Variants in CPEB3 observed in about 807,000 individuals in gnomAD.
The protein encoded by CPEB3 is cytoplasmic polyadenylation element binding protein 3.
CPEB3 carries 20 observed loss-of-function variants against 67.2 expected under a neutral mutation model. The ratio of observed to expected loss-of-function variants is 0.30; its 90% CI spans 0.21 to 0.43. CPEB3 has a LOEUF of 0.43. Ranked by LOEUF, CPEB3 falls within the 20% of genes least tolerant of loss-of-function variation. The probability of loss-of-function intolerance (pLI) is 1.00; values close to 1 mark genes in which losing one functional copy is unlikely to be tolerated. For missense variants in CPEB3, 746 were observed against 968.6 expected (o/e 0.77, Z 3.05); for synonymous variants, 376 against 393.1 (o/e 0.96, Z 0.51).
chr10:92,074,724 C>T (rs896359939), intron 9 of CPEB3, among the ~76,000 whole-genome samples: 2 of 152,076 alleles, frequency 1.3e-5, no homozygotes, highest in Non-Finnish European at 1.5e-5. Flanking sequence ...GGACTTTGAC[C>T]TTTATCCCAA....
chr10:92,280,016 A>C (rs1210972833), intron 1 of CPEB3, among the ~76,000 whole-genome samples: 1 of 151,978 alleles, frequency 6.6e-6, no homozygotes, highest in East Asian at 1.9e-4. Context: ...GTCTCAAAAA[A>C]GAAAGAAAGA....
intron 9 of CPEB3, among the ~76,000 whole-genome samples, chr10:92,060,333 G>C (rs1417440149): frequency 6.6e-6 from 1 of 152,102 alleles, no homozygotes; most frequent in African/African-American, 2.4e-5. Flanking sequence ...CTGGGTGACA[G>C]AGGAAGACCT....
intron 2 of CPEB3, among the ~76,000 whole-genome samples, chr10:92,195,817 A>C (rs1849214403): frequency 6.6e-6 from 1 of 152,242 alleles, no homozygotes. Context: ...GGTTCAGAGA[A>C]GATTCAAGAG....
At chr10:92,168,791 C>CTTTTT (rs748498383) in intron 4 of CPEB3, among the ~76,000 whole-genome samples, 3 of 118,388 alleles carry the variant, frequency 2.5e-5, no homozygotes, top group Non-Finnish European at 3.4e-5. Context: ...ACCTCTTGCC[C>CTTTTT]TTTTTTTTTT....
In CPEB3 at chr10:92,049,736, T is replaced by C. The variant is rs911424062; in HGVS notation, c.*2476A>G. On this transcript the variant is annotated 3_prime_UTR_variant, in exon 10 of 10. Coordinates refer to ENST00000265997, the MANE Select transcript of CPEB3 (RefSeq NM_014912.5). ...TTATGCTGTACAATCTTCCAGCTTTTAAAAAAATCTCAGTGTTATTTTAAT... is the reference window on the plus strand; with the variant it reads ...TTATGCTGTACAATCTTCCAGCTTTCAAAAAAATCTCAGTGTTATTTTAAT... 1 of 152,602 alleles carries C rather than the reference T, an allele frequency of 6.6e-6. No homozygotes were observed. Among genetic ancestry groups the C allele is most frequent in the Admixed American group, 6.5e-5 (1 of 15,280 alleles). The allele number at this position is 152,602 out of a possible 1,614,324, so 9.5% of individuals were successfully genotyped here. A position where few individuals can be genotyped will look rare whatever the true frequency, so the allele number is the denominator to read the frequency against.
At chr10:92,216,976 C>T (rs1850438971) in intron 2 of CPEB3, among the ~76,000 whole-genome samples, 1 of 150,626 alleles carries the variant, frequency 6.6e-6, no homozygotes, top group Non-Finnish European at 1.5e-5. Context: ...TCCATCAGTG[C>T]CATTTCCTGT....
intron 2 of CPEB3, among the ~76,000 whole-genome samples, chr10:92,215,903 C>T (rs2134388902): frequency 6.7e-6 from 1 of 150,268 alleles, no homozygotes; most frequent in East Asian, 2.0e-4. Context: ...GTGCGTGCCA[C>T]CACATGCAGC....
chr10:92,215,138 G>C (rs1468079742), intron 2 of CPEB3, among the ~76,000 whole-genome samples: 2 of 150,808 alleles, frequency 1.3e-5, no homozygotes, highest in East Asian at 3.9e-4. Flanking sequence ...GTGAGCCACA[G>C]TGCCAAGCCA....
At chr10:92,089,442 A>T (rs1843520232) in intron 8 of CPEB3, among the ~76,000 whole-genome samples, 1 of 152,166 alleles carries the variant, frequency 6.6e-6, no homozygotes, top group South Asian at 2.1e-4. Flanking sequence ...TATCCACATA[A>T]CTATAAAAAC....
chr10:92,207,884 C>A (rs1849870349), intron 2 of CPEB3, among the ~76,000 whole-genome samples: 1 of 152,060 alleles, frequency 6.6e-6, no homozygotes, highest in Non-Finnish European at 1.5e-5. Context: ...CAAACAACAA[C>A]AAAAAAACAT....
chr10:92,261,690 C>G (rs1852807741), intron 1 of CPEB3, among the ~76,000 whole-genome samples: 2 of 152,134 alleles, frequency 1.3e-5, no homozygotes, highest in African/African-American at 4.8e-5. Context: ...CTCAGGTGAT[C>G]CACCCACCTC....
chr10:92,168,449 T>C (rs1008906884), intron 4 of CPEB3, among the ~76,000 whole-genome samples: 2 of 152,214 alleles, frequency 1.3e-5, no homozygotes. Context: ...AGTGTGTTTT[T>C]TTCAAACTTC....
intron 2 of CPEB3, among the ~76,000 whole-genome samples, chr10:92,237,097 A>C (rs1851576152): frequency 1.3e-5 from 2 of 152,246 alleles, no homozygotes. Flanking sequence ...ATAAATGCAC[A>C]TACACAAAAT....
At chr10:92,068,360 T>C (rs1477164532) in intron 9 of CPEB3, among the ~76,000 whole-genome samples, 1 of 152,108 alleles carries the variant, frequency 6.6e-6, no homozygotes, top group East Asian at 1.9e-4. Flanking sequence ...AAATGTGAAA[T>C]GAGTAACTAT....
In CPEB3 at chr10:92,289,732, A is replaced by AAAAT; in HGVS notation, c.-12+1193_-12+1194insATTT. Among the ~76,000 whole-genome samples the AAAAT allele has an allele frequency of 2.2e-3, 170 of 75,668 alleles. 11 individuals carry two copies. Among genetic ancestry groups the AAAAT allele is most frequent in the Non-Finnish European group, 2.9e-3 (115 of 39,016 alleles). 49.6% of individuals were successfully genotyped at this position (75,668 alleles called of 152,430 possible). On this transcript the variant is annotated intron_variant, in intron 1 of 9. Transcript: ENST00000265997. ...CGCGTCTCTACCAAAAAAAAAAAAA[A>AAAAT]ATATATATATATATATATATATATA...
chr10:92,066,049 A>G (rs1161487943), intron 9 of CPEB3, among the ~76,000 whole-genome samples: 1 of 151,936 alleles, frequency 6.6e-6, no homozygotes, highest in Non-Finnish European at 1.5e-5. Flanking sequence ...GTGAGCTAAG[A>G]CTGCACCACT....
In CPEB3 at chr10:92,154,065, T is replaced by C. The variant is rs1293214333; in HGVS notation, c.1223-8980A>G. On this transcript the variant is annotated intron_variant, in intron 4 of 9. Transcript: ENST00000265997. ...AGCCAACATGTCTACTTATGGACAA[T>C]AGTTTCATGGAGAGCATAAAAACTC... Among the ~76,000 whole-genome samples the C allele has an allele frequency of 2.0e-5, 3 of 152,192 alleles. No individual in the cohort carries two copies. The East Asian group carries it at 5.8e-4, about 29-fold the overall frequency.
chr10:92,276,583 C>G (rs61875224), intron 1 of CPEB3, among the ~76,000 whole-genome samples: 1 of 152,026 alleles, frequency 6.6e-6, no homozygotes, highest in Non-Finnish European at 1.5e-5. Flanking sequence ...CTGGCCCATA[C>G]TGCTGCTATT....
At chr10:92,289,488 G>A (rs1039443206) in intron 1 of CPEB3, among the ~76,000 whole-genome samples, 5 of 151,764 alleles carry the variant, frequency 3.3e-5, no homozygotes, top group African/African-American at 1.2e-4. Context: ...CTTGCAGTGA[G>A]TCAAGACAGC....
Sources: allele counts gnomAD v4.1 joint callset (sites outside exome capture counted in the v4.1 genomes callset), GRCh38; gene constraint gnomAD v4.1.1; transcripts MANE v1.5; gene names NCBI Gene and HGNC (gene_info 2026-07-23, HGNC 2026-07-21).